Variants in LAMA3 observed in about 807,000 individuals in gnomAD.
LAMA3 encodes the protein laminin subunit alpha 3, also known as laminin subunit alpha-3.
LAMA3 carries 281 observed loss-of-function variants against 402.0 expected under a neutral mutation model. That is an observed-to-expected ratio of 0.70 (90% CI 0.63 to 0.77). The LOEUF is 0.77. Among genes scored for constraint, LAMA3 ranks in the 30% least tolerant of loss-of-function variants. The pLI, the probability that LAMA3 is intolerant of heterozygous loss-of-function variation, is 0.00. For missense variants in LAMA3, 3,840 were observed against 4,215.5 expected, an observed-to-expected ratio of 0.91 and a Z score of 2.47; for synonymous variants, 1,431 against 1,558.4, an observed-to-expected ratio of 0.92 and a Z score of 1.93.
chr18:23,742,650 A>ATGTGTGTG (rs141466075), intron 2 of LAMA3, among the ~76,000 whole-genome samples: 17 of 147,936 alleles, frequency 1.1e-4, no homozygotes, highest in South Asian at 4.3e-4. Context: ...AGAATCAAAA[A>ATGTGTGTG]TGTGTGTGTG....
intron 72 of LAMA3, 112 bp downstream of exon 72, chr18:23,950,271 G>T (rs1369282560): frequency 1.2e-5 from 14 of 1,200,630 alleles, no homozygotes; most frequent in Non-Finnish European, 2.4e-6. Flanking sequence ...TTGTATTTAA[G>T]AGCCTTGACT....
At chr18:23,808,135 G>A (rs903932621) in intron 12 of LAMA3, among the ~76,000 whole-genome samples, 1 of 152,058 alleles carries the variant, frequency 6.6e-6, no homozygotes, top group Non-Finnish European at 1.5e-5. Flanking sequence ...TAGAGATCAG[G>A]GAATACAGTC....
intron 2 of LAMA3, among the ~76,000 whole-genome samples, chr18:23,745,888 A>G (rs1002452630): frequency 1.3e-5 from 2 of 152,216 alleles, no homozygotes; most frequent in African/African-American, 2.4e-5. Flanking sequence ...TTTGTAGTCT[A>G]TCAAACTCAC....
intron 66 of LAMA3, chr18:23,932,594 C>G: frequency 2.8e-6 from 1 of 356,618 alleles, no homozygotes; most frequent in Non-Finnish European, 5.4e-6. Context: ...GCATTATAAT[C>G]AAGATTGTGC....
At chr18:23,732,949 A>C (rs1033465000) in intron 2 of LAMA3, among the ~76,000 whole-genome samples, 7 of 152,062 alleles carry the variant, frequency 4.6e-5, no homozygotes, top group African/African-American at 1.4e-4. Context: ...CTGCTTGACT[A>C]ATCCTTCTGG....
intron 42 of LAMA3, among the ~76,000 whole-genome samples, chr18:23,891,865 C>G (rs768477224): frequency 6.6e-6 from 1 of 152,060 alleles, no homozygotes; most frequent in Non-Finnish European, 1.5e-5. Context: ...TAAGTCCTCA[C>G]GTGAGAGTTA....
In LAMA3 at chr18:23,903,961, A is replaced by G; in HGVS notation, c.6347A>G (p.Asn2116Ser). The G allele has an allele frequency of 1.2e-6, 2 of 1,613,734 alleles. No individual in the cohort carries two copies. The highest frequency in any genetic ancestry group is 1.7e-5 in the Admixed American group (1 of 60,032). The part of the protein sequence containing the change: ...KEYEKLAASL[N>S]EARQELSDKV... ...TATGAAAAATTAGCTGCCAGTTTAA[A>G]TGAAGCAAGACAAGAACTAAGTGAC... The change falls in exon 50 of 75, where the codon AAT (asparagine) becomes AGT (serine). Residue 2116 changes from asparagine (N) to serine (S), a missense_variant. This residue lies in a region of LAMA3 where 891 missense variants were observed against 857.5 expected (regional missense o/e 1.04). Transcript: ENST00000313654.
At chr18:23,797,943 G>T (rs562182918) in intron 12 of LAMA3, among the ~76,000 whole-genome samples, 127 of 152,154 alleles carry the variant, frequency 8.3e-4, no homozygotes, top group Non-Finnish European at 1.5e-3. Context: ...TCAGATTTGA[G>T]AACTGTCTAT....
intron 68 of LAMA3, among the ~76,000 whole-genome samples, chr18:23,940,788 A>G (rs73400378): frequency 0.034 from 5,236 of 152,060 alleles, 292 homozygotes; most frequent in African/African-American, 0.12. Flanking sequence ...ATTTTCCAAA[A>G]CTGTGCTAGT....
chr18:23,841,743 G>A (rs1051087897), intron 27 of LAMA3, among the ~76,000 whole-genome samples: 6 of 152,074 alleles, frequency 3.9e-5, no homozygotes, highest in Admixed American at 3.9e-4. Flanking sequence ...GAGAACATAG[G>A]AAGACCCTAT....
rs1599077947 is a variant in LAMA3, at chr18:23,912,980, C to T, written c.7329+99C>T. On this transcript the variant is annotated intron_variant, in intron 56 of 74. Coordinates refer to ENST00000313654, the MANE Select transcript of LAMA3 (RefSeq NM_198129.4). ...CACGGCTGCATCACTGCCATTAGCA[C>T]AGCAGGCAGAAATCCTACTGAGACA... 25 of 1,110,412 alleles carry T rather than the reference C, an allele frequency of 2.3e-5. No individual in the cohort carries two copies. In the East Asian group the frequency reaches 5.7e-4, roughly 25 times the overall value. 68.8% of individuals were successfully genotyped at this position (1,110,412 alleles called of 1,614,324 possible). A position where few individuals can be genotyped will look rare whatever the true frequency, so the allele number is the denominator to read the frequency against.
chr18:23,865,376 A>G (rs2064330493), intron 36 of LAMA3, among the ~76,000 whole-genome samples: 2 of 152,212 alleles, frequency 1.3e-5, no homozygotes, highest in Non-Finnish European at 2.9e-5. Context: ...GGCTCAAGCA[A>G]TTCTCCCTGC....
chr18:23,844,167 A>G (rs151080163), intron 29 of LAMA3, among the ~76,000 whole-genome samples: 1 of 152,276 alleles, frequency 6.6e-6, no homozygotes, highest in East Asian at 1.9e-4. Context: ...ATATCATGAG[A>G]GTAATAAGCT....
At chr18:23,868,259 A>G (rs559092382) in intron 37 of LAMA3, among the ~76,000 whole-genome samples, 2 of 152,334 alleles carry the variant, frequency 1.3e-5, no homozygotes, top group East Asian at 3.9e-4. Context: ...GGTCACAAAC[A>G]TTTCAGAGAT....
intron 47 of LAMA3, among the ~76,000 whole-genome samples, chr18:23,900,504 G>A (rs905661686): frequency 3.3e-5 from 5 of 152,168 alleles, no homozygotes; most frequent in Admixed American, 2.0e-4. Context: ...TGGCTTTTTA[G>A]ATTAGGGATG....
At chr18:23,751,781 C>A (rs183538904) in intron 5 of LAMA3, among the ~76,000 whole-genome samples, 9 of 152,168 alleles carry the variant, frequency 5.9e-5, no homozygotes, top group African/African-American at 2.2e-4. Context: ...CAGGGCAGTA[C>A]ACTTGTCTCC....
In LAMA3 at chr18:23,689,671, CCCGCGCGGCTGGATGGCGGCGG is replaced by C. The variant is rs2060540105; in HGVS notation, c.-3_19del. ...CTGCGGACGGCTCAGGCGGGAGGAC[CCCGCGCGGCTGGATGGCGGCGG>C]CCGCGCGGCCTCGGGGTCGGGCACT... On this transcript the variant is annotated start_lost and 5_prime_UTR_variant, in exon 1 of 75. Transcript: ENST00000313654. 2 of 1,311,100 alleles carry C rather than the reference CCCGCGCGGCTGGATGGCGGCGG, an allele frequency of 1.5e-6. No individual in the cohort carries two copies. The highest frequency in any genetic ancestry group is 2.3e-5 in the South Asian group (1 of 43,950). The allele number at this position is 1,311,100 out of a possible 1,614,324, so 81.2% of individuals were successfully genotyped here. A position where few individuals can be genotyped will look rare whatever the true frequency, so the allele number is the denominator to read the frequency against.
At chr18:23,872,751 G>A (rs970093059) in intron 38 of LAMA3, 2 of 444,570 alleles carry the variant, frequency 4.5e-6, no homozygotes, top group Non-Finnish European at 8.4e-6. Flanking sequence ...TCCTACCCAG[G>A]GCGTGTTCCC....
At chr18:23,891,480 A>G (rs2080662748) in intron 42 of LAMA3, among the ~76,000 whole-genome samples, 1 of 152,198 alleles carries the variant, frequency 6.6e-6, no homozygotes, top group Non-Finnish European at 1.5e-5. Context: ...AAGGGCCTTC[A>G]ATTTAAAATA....
Sources: gnomAD v4.1 joint callset for allele counts (sites outside exome capture counted in the v4.1 genomes callset) on GRCh38, gnomAD v4.1.1 for gene constraint, gnomAD v4.1.1 regional missense constraint, MANE v1.5 for transcripts, NCBI Gene and HGNC (gene_info 2026-07-23, HGNC 2026-07-21) for gene names.